ZBBX: variants seen among roughly 807,000 people sequenced by gnomAD.
ZBBX encodes the protein zinc finger B-box domain-containing protein 1.
Under a neutral mutation model 108.5 loss-of-function variants are expected in ZBBX, and 101 were observed. The ratio of observed to expected loss-of-function variants is 0.93; its 90% CI spans 0.79 to 1.10. The LOEUF (loss-of-function observed/expected upper bound fraction) is 1.10. ZBBX is among the 50% of genes least tolerant of loss of function. ZBBX has a pLI of 0.00. For missense variants in ZBBX, 1,009 were observed against 941.4 expected (o/e 1.07, Z -0.94); for synonymous variants, 356 against 323.4 (o/e 1.10, Z -1.08).
At chr3:167,368,607 A>G (rs777755977) in intron 4 of ZBBX, 33 bp from the exon 5 acceptor site, 113 of 1,498,094 alleles carry the variant, frequency 7.5e-5, no homozygotes, top group Non-Finnish European at 9.7e-5. Flanking sequence ...GAGAAAGCAG[A>G]AAAACAAGCG....
At chr3:167,277,788 G>A (rs536677549) in intron 20 of ZBBX, among the ~76,000 whole-genome samples, 118 of 152,224 alleles carry the variant, frequency 7.8e-4, no homozygotes, top group African/African-American at 2.5e-3. Flanking sequence ...CAAATCAACA[G>A]AATATACATT....
At chr3:167,350,686 A>ACTAGTTGTCC (rs1469004137) in intron 8 of ZBBX, among the ~76,000 whole-genome samples, 171 bp from the exon 9 acceptor site, 1 of 151,536 alleles carries the variant, frequency 6.6e-6, no homozygotes, top group Non-Finnish European at 1.5e-5. Context: ...CTTAACTGGG[A>ACTAGTTGTCC]CTAGTTGTCC....
chr3:167,266,886 C>T lies in ZBBX; in HGVS notation c.2254+15352G>A, dbSNP rs190319443. Reference sequence around the variant, plus strand: ...TCCTTTCCCGTGAGAAGGCACGCCCCGCCACCTCATTGCAGTGGCTTCAGG... The same window carrying T: ...TCCTTTCCCGTGAGAAGGCACGCCCTGCCACCTCATTGCAGTGGCTTCAGG... On this transcript the variant is annotated intron_variant, in intron 20 of 21. Transcript: ENST00000675490. 2.6e-4 allele frequency among the ~76,000 whole-genome samples: 39 copies of T among 152,222 alleles called. No homozygotes were observed. In the East Asian group the frequency reaches 4.7e-3, roughly 18 times the overall value.
chr3:167,388,663 T>C (rs1747995005), intron 1 of ZBBX, among the ~76,000 whole-genome samples: 1 of 151,930 alleles, frequency 6.6e-6, no homozygotes, highest in Non-Finnish European at 1.5e-5. Context: ...CAATCCAGAA[T>C]TTAGTTGTGT....
the ZBBX span, among the ~76,000 whole-genome samples, chr3:167,182,471 C>G: frequency 6.6e-6 from 1 of 152,196 alleles, no homozygotes. Context: ...CTTTACAGCA[C>G]TAAAGGAAGG....
chr3:167,356,679 A>G (rs57269191), intron 8 of ZBBX, among the ~76,000 whole-genome samples: 2,229 of 152,268 alleles, frequency 0.015, 67 homozygotes, highest in African/African-American at 0.051. Flanking sequence ...TCATTCATTA[A>G]ATATTTGTTG....
At chr3:167,384,485 C>A (rs1747845452), upstream of ZBBX, among the ~76,000 whole-genome samples, 2 of 151,960 alleles carry the variant, frequency 1.3e-5, no homozygotes, top group Admixed American at 6.6e-5. Flanking sequence ...GAAGGCAGGG[C>A]AGACTGAGTT....
At chr3:167,348,621 T>G (rs140953148) in intron 9 of ZBBX, among the ~76,000 whole-genome samples, 3 of 152,182 alleles carry the variant, frequency 2.0e-5, no homozygotes, top group Non-Finnish European at 4.4e-5. Flanking sequence ...CATTTTTTAT[T>G]TGTCAATTAT....
Position 167,360,024 on chromosome 3 carries a change from T to A in ZBBX, c.323-45A>T, listed in dbSNP as rs1247565704. 4 of 1,175,544 alleles carry A rather than the reference T, an allele frequency of 3.4e-6. No individual in the cohort carries two copies. In the Admixed American group the frequency reaches 9.1e-5, roughly 27 times the overall value. The allele number at this position is 1,175,544 out of a possible 1,614,324, so 72.8% of individuals were successfully genotyped here. A position where few individuals can be genotyped will look rare whatever the true frequency, so the allele number is the denominator to read the frequency against. ...ATTACTCCAATCATTTAAAAATATG[T>A]TAAATTTTCCAATTGATAAATTAAT... is the stretch of plus-strand genomic sequence containing the variant. On this transcript the variant is annotated intron_variant, in intron 7 of 21. Transcript: ENST00000675490.
rs375113526 is a variant in ZBBX at position 167,277,162 on chromosome 3, G to A, written c.2254+5076C>T. ...ATCATGCTAAAATGTAAAGACCATC[G>A]AGACTAGGAAGAAACTGCATCAACT... On this transcript the variant is annotated intron_variant, in intron 20 of 21. Coordinates refer to ENST00000675490, the MANE Select transcript of ZBBX (RefSeq NM_001199201.2). Among the ~76,000 whole-genome samples, 50 of 151,876 alleles carry A rather than the reference G, an allele frequency of 3.3e-4. 1 individual carries two copies. The East Asian group carries it at 5.4e-3, about 17-fold the overall frequency.
the ZBBX span, among the ~76,000 whole-genome samples, chr3:167,216,772 G>C: frequency 3.3e-5 from 5 of 151,958 alleles, no homozygotes; most frequent in African/African-American, 1.2e-4. Flanking sequence ...ACAGAAACAG[G>C]GATATAGACC....
chr3:167,348,368 G>GAAAGAAAGAAAA (rs1431515037), intron 9 of ZBBX, among the ~76,000 whole-genome samples: 23 of 111,654 alleles, frequency 2.1e-4, no homozygotes, highest in African/African-American at 7.8e-4. Context: ...AAGAAAGAAA[G>GAAAGAAAGAAAA]AAAAAAAAGA....
At chr3:167,352,737 T>C (rs1451101236) in intron 8 of ZBBX, among the ~76,000 whole-genome samples, 1 of 147,768 alleles carries the variant, frequency 6.8e-6, no homozygotes, top group South Asian at 2.1e-4. Context: ...AAAAAAAAGC[T>C]AGCAAATTGA....
chr3:167,275,420 G>A lies in ZBBX; in HGVS notation c.2254+6818C>T, dbSNP rs535526992. On this transcript the variant is annotated intron_variant, in intron 20 of 21. Coordinates refer to ENST00000675490, the MANE Select transcript of ZBBX (RefSeq NM_001199201.2). Reference sequence around the variant, plus strand: ...ACAGTGGGCGCAGGTCAGTGGGTGCGCGCACTGTGCGCGAGCCGAAGCAGG... The same window carrying A: ...ACAGTGGGCGCAGGTCAGTGGGTGCACGCACTGTGCGCGAGCCGAAGCAGG... Among the ~76,000 whole-genome samples, 23 of 151,966 alleles carry A rather than the reference G, an allele frequency of 1.5e-4. 1 individual carries two copies. The highest frequency in any genetic ancestry group is 5.9e-4 in the Admixed American group (9 of 15,274).
chr3:167,282,795 T>TAG (rs1729043809), intron 19 of ZBBX, among the ~76,000 whole-genome samples: 1 of 152,170 alleles, frequency 6.6e-6, no homozygotes, highest in African/African-American at 2.4e-5. Flanking sequence ...GTCAACTTTG[T>TAG]AGAGAAACAA....
At chr3:167,342,996 C>T (rs1488767616) in intron 9 of ZBBX, among the ~76,000 whole-genome samples, 1 of 151,770 alleles carries the variant, frequency 6.6e-6, no homozygotes, top group Non-Finnish European at 1.5e-5. Flanking sequence ...GCCCTCAACA[C>T]AAAATTAATC....
intron 17 of ZBBX, among the ~76,000 whole-genome samples, chr3:167,299,860 T>C (rs982721687): frequency 1.3e-5 from 2 of 152,214 alleles, no homozygotes; most frequent in Non-Finnish European, 2.9e-5. Flanking sequence ...AACCACTTTA[T>C]TCAGAAGCAG....
At chr3:167,400,575 T>C (rs374558345) in intron 1 of ZBBX, among the ~76,000 whole-genome samples, 52 of 152,254 alleles carry the variant, frequency 3.4e-4, no homozygotes, top group African/African-American at 1.2e-3. Context: ...TTTCTTGCTG[T>C]TTAAATTCCT....
chr3:167,345,659 T>C (rs1283308637), intron 9 of ZBBX, among the ~76,000 whole-genome samples: 1 of 151,716 alleles, frequency 6.6e-6, no homozygotes, highest in Non-Finnish European at 1.5e-5. Flanking sequence ...GCCCCTTCTG[T>C]GGTCTCCCAT....
Sources: allele counts gnomAD v4.1 joint callset (sites outside exome capture counted in the v4.1 genomes callset), GRCh38; gene constraint gnomAD v4.1.1; transcripts MANE v1.5; gene names NCBI Gene and HGNC (gene_info 2026-07-23, HGNC 2026-07-21).